Variants in SH3RF3 observed in about 807,000 individuals in gnomAD.
SH3RF3 encodes the protein E3 ubiquitin-protein ligase SH3RF3.
Under a neutral mutation model 66.3 loss-of-function variants are expected in SH3RF3, and 29 were observed. The ratio of observed to expected loss-of-function variants is 0.44; its 90% CI spans 0.33 to 0.60. SH3RF3 has a LOEUF of 0.60. Among genes scored for constraint, SH3RF3 ranks in the 20% least tolerant of loss-of-function variants. The pLI is 0.04. For synonymous variants in SH3RF3, 583 were observed against 532.0 expected, an observed-to-expected ratio of 1.10 and a Z score of -1.32; for missense variants, 1,194 against 1,190.9, an observed-to-expected ratio of 1.00 and a Z score of -0.04.
At chr2:109,296,190 A>G (rs1243031791) in intron 1 of SH3RF3, among the ~76,000 whole-genome samples, 2 of 151,810 alleles carry the variant, frequency 1.3e-5, no homozygotes, top group Non-Finnish European at 2.9e-5. Flanking sequence ...GCCTCCTCCC[A>G]TCTCCTGGCT....
At chr2:109,492,075 G>A (rs1025339431) in intron 9 of SH3RF3, among the ~76,000 whole-genome samples, 1 of 152,118 alleles carries the variant, frequency 6.6e-6, no homozygotes, top group Non-Finnish European at 1.5e-5. Context: ...CTGTGTCTGT[G>A]GTGACCACGT....
At chr2:109,486,323 T>C (rs1019873623) in intron 8 of SH3RF3, among the ~76,000 whole-genome samples, 2 of 152,298 alleles carry the variant, frequency 1.3e-5, no homozygotes, top group East Asian at 3.9e-4. Context: ...TGGAACTCCC[T>C]GATTGTTTCT....
chr2:109,334,192 CA>C (rs1278206767), intron 1 of SH3RF3, among the ~76,000 whole-genome samples: 1 of 151,836 alleles, frequency 6.6e-6, no homozygotes, highest in African/African-American at 2.4e-5. Context: ...CCCGTCCCTA[CA>C]AAAAAATAGA....
chr2:109,294,497 G>A (rs1574555539), intron 1 of SH3RF3, among the ~76,000 whole-genome samples: 2 of 151,400 alleles, frequency 1.3e-5, no homozygotes, highest in Admixed American at 1.3e-4. Flanking sequence ...GGAGGTGGAG[G>A]TTGCAGTGAG....
At chr2:109,312,162 C>A (rs911496509) in intron 1 of SH3RF3, among the ~76,000 whole-genome samples, 1 of 152,070 alleles carries the variant, frequency 6.6e-6, no homozygotes, top group African/African-American at 2.4e-5. Context: ...TTCAGAACTC[C>A]AAATCTTACA....
At chr2:109,170,817 A>G (rs1677763464) in intron 1 of SH3RF3, among the ~76,000 whole-genome samples, 1 of 152,214 alleles carries the variant, frequency 6.6e-6, no homozygotes. Flanking sequence ...TGCACAGGGC[A>G]TAGTTTACCT....
At chr2:109,441,932 A>G (rs1677575183) in intron 7 of SH3RF3, among the ~76,000 whole-genome samples, 1 of 147,596 alleles carries the variant, frequency 6.8e-6, no homozygotes, top group Non-Finnish European at 1.5e-5. Flanking sequence ...CTAGTACTCT[A>G]CTCCCAGCAA....
chr2:109,466,482 A>G (rs1678349214), intron 8 of SH3RF3, among the ~76,000 whole-genome samples: 2 of 152,148 alleles, frequency 1.3e-5, no homozygotes, highest in Admixed American at 6.5e-5. Context: ...TACATTTTAG[A>G]TATACCACAG....
At chr2:109,330,626 G>A (rs1362403507) in intron 1 of SH3RF3, among the ~76,000 whole-genome samples, 1 of 152,172 alleles carries the variant, frequency 6.6e-6, no homozygotes, top group Non-Finnish European at 1.5e-5. Context: ...TGTGGTGGAT[G>A]GATGGAGGGA....
intron 7 of SH3RF3, among the ~76,000 whole-genome samples, chr2:109,441,092 C>G (rs1677549877): frequency 6.9e-6 from 1 of 143,902 alleles, no homozygotes; most frequent in African/African-American, 2.7e-5. Flanking sequence ...ATTAATTTAT[C>G]TTTGTCCCAG....
At chr2:109,428,245 A>T (rs1363491092) in intron 5 of SH3RF3, among the ~76,000 whole-genome samples, 2 of 152,190 alleles carry the variant, frequency 1.3e-5, no homozygotes, top group Admixed American at 6.5e-5. Context: ...GCAAGCCACC[A>T]TCTAGAGGAG....
At chr2:109,443,344 C>T (rs767700394) in intron 7 of SH3RF3, among the ~76,000 whole-genome samples, 1 of 152,206 alleles carries the variant, frequency 6.6e-6, no homozygotes, top group African/African-American at 2.4e-5. Context: ...GTGTTGCCCC[C>T]TATCGGCTCT....
intron 8 of SH3RF3, among the ~76,000 whole-genome samples, chr2:109,479,044 C>T (rs1332160267): frequency 2.0e-5 from 3 of 152,126 alleles, no homozygotes; most frequent in Non-Finnish European, 4.4e-5. Context: ...ATGTGTCTGG[C>T]GGGTGGTGTT....
At chr2:109,182,971 C>G (rs1239438072) in intron 1 of SH3RF3, among the ~76,000 whole-genome samples, 1 of 152,214 alleles carries the variant, frequency 6.6e-6, no homozygotes, top group Non-Finnish European at 1.5e-5. Flanking sequence ...CACAGGACCC[C>G]ATTTTGGGTC....
intron 1 of SH3RF3, among the ~76,000 whole-genome samples, chr2:109,144,498 G>C (rs1677045820): frequency 6.6e-6 from 1 of 152,244 alleles, no homozygotes; most frequent in Non-Finnish European, 1.5e-5. Flanking sequence ...CTGTGGATGT[G>C]CTGAGGCTTT....
chr2:109,385,314 GTTAAC>G lies in SH3RF3; in HGVS notation c.946-13271_946-13267del, dbSNP rs530459116. 8.8e-4 allele frequency among the ~76,000 whole-genome samples: 134 copies of G among 152,334 alleles called. 1 individual carries two copies. Among genetic ancestry groups the G allele is most frequent in the African/African-American group, 3.0e-3 (126 of 41,578 alleles). ...GGAGAAGTATGTGTTAGAAATGATT[GTTAAC>G]TTAATTGTAGTTTGGGGGCCCTGCA... On this transcript the variant is annotated intron_variant, in intron 3 of 9. Coordinates refer to ENST00000309415, the MANE Select transcript of SH3RF3 (RefSeq NM_001099289.3).
At chr2:109,495,411 G>C (rs1181262467) in intron 9 of SH3RF3, among the ~76,000 whole-genome samples, 1 of 150,172 alleles carries the variant, frequency 6.7e-6, no homozygotes, top group African/African-American at 2.5e-5. Context: ...GTATCGTAGA[G>C]AGGCTTTGAG....
intron 3 of SH3RF3, among the ~76,000 whole-genome samples, chr2:109,387,710 G>A (rs1433569186): frequency 6.6e-6 from 1 of 152,198 alleles, no homozygotes; most frequent in Non-Finnish European, 1.5e-5. Flanking sequence ...CGTCCTCTAT[G>A]TAATGAAATA....
chr2:109,220,298 A>C (rs367668111), intron 1 of SH3RF3, among the ~76,000 whole-genome samples: 12 of 152,364 alleles, frequency 7.9e-5, no homozygotes, highest in African/African-American at 2.9e-4. Context: ...AGATCTCAAC[A>C]TAAGAGCTAA....
Sources: gnomAD v4.1 joint callset for allele counts (sites outside exome capture counted in the v4.1 genomes callset) on GRCh38, gnomAD v4.1.1 for gene constraint, MANE v1.5 for transcripts, NCBI Gene and HGNC (gene_info 2026-07-23, HGNC 2026-07-21) for gene names.